The following THADA variants were observed in gnomAD, a reference collection of about 807,000 sequenced individuals.
The protein encoded by THADA is tRNA (32-2'-O)-methyltransferase regulator THADA.
A neutral mutation model predicts 219.8 loss-of-function variants in THADA; 213 were observed. That is an observed-to-expected ratio of 0.97 (90% CI 0.87 to 1.09). The LOEUF (loss-of-function observed/expected upper bound fraction) is 1.09, where lower values mean the gene tolerates loss of function less well. Ranked by LOEUF, THADA falls within the 50% of genes least tolerant of loss-of-function variation. The pLI, the probability that THADA is intolerant of heterozygous loss-of-function variation, is 0.00. For synonymous variants in THADA, 1,018 were observed against 828.9 expected, an observed-to-expected ratio of 1.23 and a Z score of -3.92; for missense variants, 2,956 against 2,311.3, an observed-to-expected ratio of 1.28 and a Z score of -5.72.
chr2:43,386,897 CAAAAAAA>C lies in THADA; in HGVS notation c.4227+11067_4227+11073del, dbSNP rs548365391. ...TGGGCTACAGAGTGAGATTTCCTCT[CAAAAAAA>C]AAAAAAAAAAGCATAATTACTATCT... On this transcript the variant is annotated intron_variant, in intron 29 of 37. Transcript: ENST00000405975. Among the ~76,000 whole-genome samples the C allele has an allele frequency of 6.2e-5, 6 of 97,312 alleles. 1 individual carries two copies. Among genetic ancestry groups the C allele is most frequent in the Admixed American group, 2.4e-4 (2 of 8,266 alleles). 63.8% of individuals were successfully genotyped at this position (97,312 alleles called of 152,430 possible).
intron 36 of THADA, among the ~76,000 whole-genome samples, chr2:43,235,389 G>A (rs1032017335): frequency 5.3e-5 from 8 of 152,002 alleles, no homozygotes; most frequent in African/African-American, 1.9e-4. Context: ...CGCTTCCCAG[G>A]TTTAAGAGAT....
chr2:43,353,822 A>ATTTTTT lies in THADA; in HGVS notation c.4228-9591_4228-9586dup, dbSNP rs564117010. Among the ~76,000 whole-genome samples the ATTTTTT allele has an allele frequency of 2.2e-5, 3 of 139,082 alleles. 1 individual carries two copies. Among genetic ancestry groups the ATTTTTT allele is most frequent in the African/African-American group, 8.2e-5 (3 of 36,402 alleles). The allele number at this position is 139,082 out of a possible 152,430, so 91.2% of individuals were successfully genotyped here. A position where few individuals can be genotyped will look rare whatever the true frequency, so the allele number is the denominator to read the frequency against. ...AGGCATGGGCCACCAAGCTCAGCTA[A>ATTTTTT]TTTTTTTTTTTTTGAGATGTAGTCT... On this transcript the variant is annotated intron_variant, in intron 29 of 37. Coordinates refer to ENST00000405975, the MANE Select transcript of THADA (RefSeq NM_022065.5).
chr2:43,347,771 C>G (rs897754717), intron 29 of THADA, among the ~76,000 whole-genome samples: 5 of 152,236 alleles, frequency 3.3e-5, no homozygotes, highest in East Asian at 3.9e-4. Flanking sequence ...CAGGGGACAA[C>G]AAGTGGTCCT....
At chr2:43,517,345 A>T (rs1691848112) in intron 22 of THADA, among the ~76,000 whole-genome samples, 1 of 152,206 alleles carries the variant, frequency 6.6e-6, no homozygotes, top group African/African-American at 2.4e-5. Flanking sequence ...TATGAAGTAC[A>T]TTTAAAGCCA....
chr2:43,446,550 A>G (rs546730230), intron 26 of THADA, among the ~76,000 whole-genome samples: 2 of 152,334 alleles, frequency 1.3e-5, no homozygotes, highest in South Asian at 4.1e-4. Context: ...GCCCCAGCTG[A>G]GGTCTCAGAT....
chr2:43,372,513 G>C (rs1056887637), intron 29 of THADA, among the ~76,000 whole-genome samples: 2 of 152,014 alleles, frequency 1.3e-5, no homozygotes, highest in African/African-American at 4.8e-5. Context: ...ATTAAACTTG[G>C]AGTTCTAGGG....
At chr2:43,361,688 G>C (rs935377332) in intron 29 of THADA, among the ~76,000 whole-genome samples, 1 of 152,194 alleles carries the variant, frequency 6.6e-6, no homozygotes, top group African/African-American at 2.4e-5. Context: ...TGTGCTTTCT[G>C]ACGAATCATC....
chr2:43,519,317 G>C (rs1692120893), intron 22 of THADA, among the ~76,000 whole-genome samples: 1 of 152,032 alleles, frequency 6.6e-6, no homozygotes, highest in Non-Finnish European at 1.5e-5. Flanking sequence ...TGAAATTCCA[G>C]AAAAACATTT....
In THADA at chr2:43,426,372, A is replaced by G. The variant is rs181744374; in HGVS notation, c.4058+1728T>C. On this transcript the variant is annotated intron_variant, in intron 28 of 37. Transcript: ENST00000405975. The stretch of plus-strand genomic sequence containing the variant: ...TCTTAAGACAGAGCACAGGTTCTAA[A>G]GCAAATCTCTGTTTCTAATGTAAAC... Among the ~76,000 whole-genome samples, 7 of 152,348 alleles carry G rather than the reference A, an allele frequency of 4.6e-5. No homozygotes were observed. In the East Asian group the frequency reaches 1.2e-3, roughly 25 times the overall value.
chr2:43,350,436 C>T (rs1465132549), intron 29 of THADA, among the ~76,000 whole-genome samples: 1 of 152,208 alleles, frequency 6.6e-6, no homozygotes, highest in Non-Finnish European at 1.5e-5. Context: ...TACAGTATGT[C>T]ATTTGCAGTC....
intron 19 of THADA, among the ~76,000 whole-genome samples, chr2:43,550,219 T>C (rs1430035740): frequency 3.9e-5 from 6 of 152,248 alleles, no homozygotes; most frequent in Non-Finnish European, 5.9e-5. Context: ...AAACTAGCCA[T>C]TGGTAATCAT....
intron 7 of THADA, among the ~76,000 whole-genome samples, chr2:43,585,872 T>C (rs1700969566): frequency 6.6e-6 from 1 of 152,034 alleles, no homozygotes; most frequent in Non-Finnish European, 1.5e-5. Context: ...TAATTTTTCA[T>C]TTAAATATTT....
At chr2:43,294,337 T>C (rs763130087) in intron 31 of THADA, among the ~76,000 whole-genome samples, 2 of 152,156 alleles carry the variant, frequency 1.3e-5, no homozygotes, top group Non-Finnish European at 2.9e-5. Flanking sequence ...ATAATTCCAA[T>C]ATAGTGGTAC....
chr2:43,292,315 G>T (rs1572941057), intron 32 of THADA, 93 bp from the exon 33 acceptor site: 6 of 813,978 alleles, frequency 7.4e-6, no homozygotes, highest in African/African-American at 1.8e-5. Context: ...ATCAACAAGA[G>T]GTCTACCTTT....
chr2:43,524,461 C>T (rs1692902834), intron 22 of THADA, among the ~76,000 whole-genome samples: 1 of 152,160 alleles, frequency 6.6e-6, no homozygotes, highest in South Asian at 2.1e-4. Context: ...CAAGAGGTGG[C>T]CAGCAGTTGG....
At chr2:43,300,949 G>A (rs1399715399) in intron 31 of THADA, among the ~76,000 whole-genome samples, 2 of 152,226 alleles carry the variant, frequency 1.3e-5, no homozygotes, top group African/African-American at 4.8e-5. Context: ...AAGCTCACAG[G>A]TGAAGCTGCT....
At chr2:43,455,793 T>G (rs1252777724) in intron 26 of THADA, among the ~76,000 whole-genome samples, 5 of 152,136 alleles carry the variant, frequency 3.3e-5, no homozygotes, top group African/African-American at 1.2e-4. Flanking sequence ...ATTAAAAGAT[T>G]TTTCTCTTCT....
intron 26 of THADA, among the ~76,000 whole-genome samples, chr2:43,462,853 T>A (rs954737693): frequency 2.0e-5 from 3 of 152,076 alleles, no homozygotes; most frequent in African/African-American, 7.2e-5. Context: ...GTTCAAAATA[T>A]AAAGGTAAAC....
chr2:43,291,485 C>T (rs1674714563), intron 34 of THADA, among the ~76,000 whole-genome samples: 1 of 70,624 alleles, frequency 1.4e-5, no homozygotes, highest in Admixed American at 1.3e-4. Flanking sequence ...AAAAAAAATC[C>T]TAAAACAAGA....
Sources: gnomAD v4.1 joint callset for allele counts (sites outside exome capture counted in the v4.1 genomes callset) on GRCh38, gnomAD v4.1.1 for gene constraint, MANE v1.5 for transcripts, NCBI Gene and HGNC (gene_info 2026-07-23, HGNC 2026-07-21) for gene names.